Variants in FNDC1 observed in about 807,000 individuals in gnomAD.
FNDC1 encodes the protein fibronectin type III domain containing 1.
In FNDC1, 96 loss-of-function variants were observed where a neutral mutation model predicts 168.0. That is an observed-to-expected ratio of 0.57 (90% confidence interval 0.48 to 0.68). The LOEUF (loss-of-function observed/expected upper bound fraction) is 0.68, where lower values mean the gene tolerates loss of function less well. FNDC1 is among the 30% of genes least tolerant of loss of function. The pLI is 0.00. For synonymous variants in FNDC1, 1,099 were observed against 1,025.9 expected (o/e 1.07, Z -1.36); for missense variants, 2,587 against 2,482.1 (o/e 1.04, Z -0.90).
Position 159,225,547 on chromosome 6 carries a change from G to A in FNDC1, c.897G>A (p.Val299=). ...KKVVASRQYT[V]RYREKGELAR... is the part of the protein sequence containing the mutation. The stretch of plus-strand genomic sequence containing the variant: ...TGTTTTCTTACAGACAGTACACCGT[G>A]CGCTATCGAGAGAAGGGGGAATTGG... Residue 299 remains valine (V), a synonymous_variant, in exon 8 of 23, where the codon GTG becomes GTA. Transcript: ENST00000297267. The A allele has an allele frequency of 6.8e-6, 11 of 1,613,292 alleles. No homozygotes were observed. The highest frequency in any genetic ancestry group is 9.3e-6 in the Non-Finnish European group (11 of 1,179,424).
intron 1 of FNDC1, among the ~76,000 whole-genome samples, chr6:159,184,430 T>C (rs1047332740): frequency 6.6e-6 from 1 of 152,250 alleles, no homozygotes; most frequent in African/African-American, 2.4e-5. Context: ...TTTTTATTGA[T>C]AATTTACCTA....
chr6:159,258,532 A>T (rs1000898353), intron 18 of FNDC1, among the ~76,000 whole-genome samples: 1 of 152,178 alleles, frequency 6.6e-6, no homozygotes, highest in Admixed American at 6.5e-5. Context: ...CTAGGAAATA[A>T]AGGAGGCCGA....
At chr6:159,199,054 G>A (rs979847545) in intron 2 of FNDC1, among the ~76,000 whole-genome samples, 2 of 152,184 alleles carry the variant, frequency 1.3e-5, no homozygotes, top group African/African-American at 4.8e-5. Context: ...TCCCTACTTT[G>A]AGAAATGTCA....
At chr6:159,251,673 A>T in intron 17 of FNDC1, 141 bp downstream of exon 17, 1 of 719,076 alleles carries the variant, frequency 1.4e-6, no homozygotes, top group Admixed American at 2.2e-5. Context: ...TGATGGATAG[A>T]TGTCTTCCTT....
intron 2 of FNDC1, among the ~76,000 whole-genome samples, chr6:159,198,054 C>T (rs1782288665): frequency 1.3e-5 from 2 of 152,146 alleles, no homozygotes; most frequent in African/African-American, 2.4e-5. Context: ...TTATGCCTAG[C>T]CACGTCTGGT....
chr6:159,208,473 G>C (rs886703324), intron 4 of FNDC1, among the ~76,000 whole-genome samples: 2 of 152,158 alleles, frequency 1.3e-5, no homozygotes, highest in Non-Finnish European at 2.9e-5. Flanking sequence ...TCTTGTGGTC[G>C]TGGGAAGGGC....
At chr6:159,265,559 A>T (rs1416884419) in intron 20 of FNDC1, among the ~76,000 whole-genome samples, 1 of 152,206 alleles carries the variant, frequency 6.6e-6, no homozygotes, top group Non-Finnish European at 1.5e-5. Context: ...ACGTTCAGGT[A>T]AATGGAACGG....
intron 1 of FNDC1, among the ~76,000 whole-genome samples, chr6:159,189,436 G>A (rs1782081511): frequency 6.6e-6 from 1 of 152,196 alleles, no homozygotes. Flanking sequence ...AAGAATTAGG[G>A]GAGCTTTACT....
At chr6:159,239,426 C>A in intron 13 of FNDC1, 91 bp from the exon 14 acceptor site, 1 of 1,140,158 alleles carries the variant, frequency 8.8e-7, no homozygotes, top group Non-Finnish European at 1.2e-6. Context: ...CATGATAATA[C>A]ATAAGCTTTG....
intron 13 of FNDC1, among the ~76,000 whole-genome samples, chr6:159,239,047 G>T (rs1283956913): frequency 6.6e-6 from 1 of 152,152 alleles, no homozygotes; most frequent in African/African-American, 2.4e-5. Flanking sequence ...TGGTAATTAC[G>T]TGAAATGCAC....
At chr6:159,176,100 A>G (rs760451595) in intron 1 of FNDC1, among the ~76,000 whole-genome samples, 37 of 152,134 alleles carry the variant, frequency 2.4e-4, no homozygotes, top group Non-Finnish European at 4.3e-4. Flanking sequence ...ACGTCCCTTC[A>G]TCTGGTTTAT....
In FNDC1 at chr6:159,234,133, C is replaced by G. The variant is rs1783187200; in HGVS notation, c.3621C>G (p.Ser1207=). ...CTGTGCCAAAGTGGCCCTCTTCCTCCACTCCCAGGGGCGGCAAAGACGCCG... is the reference window on the plus strand; with the variant it reads ...CTGTGCCAAAGTGGCCCTCTTCCTCGACTCCCAGGGGCGGCAAAGACGCCG... ...SSSVPKWPSS[S]TPRGGKDADG... Residue 1207 remains serine, a synonymous_variant, in exon 11 of 23, where the codon TCC becomes TCG. Transcript: ENST00000297267. 2 of 1,602,700 alleles carry G rather than the reference C, an allele frequency of 1.2e-6. No individual in the cohort carries two copies. The highest frequency in any genetic ancestry group is 1.7e-6 in the Non-Finnish European group (2 of 1,174,546).
rs1204247161 is a variant in FNDC1, at chr6:159,249,132, G to T, written c.4784G>T (p.Ser1595Ile). The T allele has an allele frequency of 6.2e-7, 1 of 1,611,066 alleles. No individual in the cohort carries two copies. Among genetic ancestry groups the T allele is most frequent in the Admixed American group, 1.7e-5 (1 of 59,708 alleles). The change falls in exon 16 of 23, where the codon AGT becomes ATT. Residue 1595 changes from serine to isoleucine, a missense_variant. Physicochemically the swap from Ser to Ile is moderately radical, Grantham distance 142 (BLOSUM62 -2). Transcript: ENST00000297267. ...GTGATCCCAGAGGAAGGCGCCATCA[G>T]TTCCTTTCCTGAAGAAGAATTTGAT... The part of the protein sequence containing the change: ...PRVIPEEGAI[S>I]SFPEEEFDLA...
chr6:159,252,442 A>G lies in FNDC1; in HGVS notation c.5065+910A>G, dbSNP rs140109496. 3.9e-5 allele frequency among the ~76,000 whole-genome samples: 6 copies of G among 152,350 alleles called. No individual in the cohort carries two copies. In the East Asian group the frequency reaches 1.2e-3, roughly 29 times the overall value. ...AAAATGTGTCCAAGAATATCCAAAGAGCATCTTCTCTTGTGGAATTTGTAC... is the reference window on the plus strand; with the variant it reads ...AAAATGTGTCCAAGAATATCCAAAGGGCATCTTCTCTTGTGGAATTTGTAC... On this transcript the variant is annotated intron_variant, in intron 17 of 22. Transcript: ENST00000297267.
chr6:159,209,998 C>T (rs1782564841), intron 4 of FNDC1, among the ~76,000 whole-genome samples: 1 of 152,214 alleles, frequency 6.6e-6, no homozygotes. Context: ...GACACTTACA[C>T]ATTTAAGAGG....
chr6:159,205,051 T>G (rs1010260101), intron 4 of FNDC1, among the ~76,000 whole-genome samples: 1 of 152,194 alleles, frequency 6.6e-6, no homozygotes, highest in Non-Finnish European at 1.5e-5. Flanking sequence ...ACCTTCTCTT[T>G]AAGGCTGACT....
intron 1 of FNDC1, among the ~76,000 whole-genome samples, chr6:159,175,098 G>T (rs1447168593): frequency 6.6e-6 from 1 of 152,140 alleles, no homozygotes; most frequent in Non-Finnish European, 1.5e-5. Context: ...TCTCCTACAT[G>T]TGGACGAAAT....
intron 1 of FNDC1, among the ~76,000 whole-genome samples, chr6:159,182,705 G>A (rs938694783): frequency 1.3e-5 from 2 of 152,150 alleles, no homozygotes; most frequent in Non-Finnish European, 2.9e-5. Context: ...GGCTTTCTTA[G>A]TAACTCTATG....
rs1347253577 is a variant in FNDC1, at chr6:159,269,593, GTCTGTCTATCTATCTATCTA to G, written c.5569+1671_5569+1690del. 2.6e-3 allele frequency among the ~76,000 whole-genome samples: 320 copies of G among 122,182 alleles called. 4 individuals are homozygous for G. The highest frequency in any genetic ancestry group is 5.5e-3 in the African/African-American group (172 of 31,036). 80.2% of individuals were successfully genotyped at this position (122,182 alleles called of 152,430 possible). A position where few individuals can be genotyped will look rare whatever the true frequency, so the allele number is the denominator to read the frequency against. On this transcript the variant is annotated intron_variant, in intron 22 of 22. Transcript: ENST00000297267. ...ATCTATCCTATCTGTCTGTCTGTCT[GTCTGTCTATCTATCTATCTA>G]TCTATCTATCTATCTATCTATCTAT...
Sources: allele counts gnomAD v4.1 joint callset (sites outside exome capture counted in the v4.1 genomes callset), GRCh38; gene constraint gnomAD v4.1.1; transcripts MANE v1.5; gene names NCBI Gene and HGNC (gene_info 2026-07-23, HGNC 2026-07-21).